The following TMPRSS9 variants were observed in gnomAD, a reference collection of about 807,000 sequenced individuals.
TMPRSS9 encodes transmembrane serine protease 9.
TMPRSS9 carries 113 observed loss-of-function variants against 111.4 expected under a neutral mutation model. The observed-to-expected ratio is 1.01, with a 90% CI of 0.87 to 1.19. The LOEUF (loss-of-function observed/expected upper bound fraction) is 1.19, where lower values mean the gene tolerates loss of function less well. Among genes scored for constraint, TMPRSS9 ranks in the 50% most tolerant of loss-of-function variants. TMPRSS9 has a pLI of 0.00. For missense variants in TMPRSS9, 1,803 were observed against 1,513.1 expected (o/e 1.19, Z -3.18); for synonymous variants, 805 against 659.1 (o/e 1.22, Z -3.39).
chr19:2,403,091 C>G, exon 6 of TMPRSS9: 1 of 1,610,032 alleles, frequency 6.2e-7, no homozygotes. Flanking sequence ...GGCCGCTGTC[C>G]AGGGAACTCC....
intron 1 of TMPRSS9, among the ~76,000 whole-genome samples, chr19:2,379,659 T>TTCTTTCTTTC (rs1555676566): frequency 5.3e-5 from 8 of 149,820 alleles, no homozygotes; most frequent in South Asian, 4.2e-4. Context: ...CTTTCTTTCT[T>TTCTTTCTTTC]TCTTTCTTTC....
At chr19:2,381,884 C>G (rs1374867596) in intron 1 of TMPRSS9, among the ~76,000 whole-genome samples, 6 of 152,130 alleles carry the variant, frequency 3.9e-5, no homozygotes, top group African/African-American at 1.2e-4. Context: ...GCTCTGTCGC[C>G]CAGGCTTGAG....
chr19:2,377,445 T>C (rs1970345629), intron 1 of TMPRSS9, among the ~76,000 whole-genome samples: 1 of 121,914 alleles, frequency 8.2e-6, no homozygotes, highest in Non-Finnish European at 1.7e-5. Context: ...TTCCTTTCTT[T>C]CCTTCTCCCC....
exon 10 of TMPRSS9, chr19:2,413,797 G>A (rs145109209): frequency 3.8e-5 from 61 of 1,613,710 alleles, no homozygotes; most frequent in South Asian, 2.7e-4. Flanking sequence ...GAAGCCCGGC[G>A]TCCAGGGGTC....
rs151191920 is a variant in TMPRSS9 at position 2,421,896 on chromosome 19, G to C, written c.2197G>C (p.Val733Leu). ...CCTGGCCTGCGAGGAGGCCCCTGGC[G>C]TGTTTTATCTGGCAGGGATCGTGAG... Residue 733 changes from valine to leucine, a missense_variant, in exon 14 of 18, where the codon GTG (valine) becomes CTG (leucine). Physicochemically the swap from Val to Leu is conservative, Grantham distance 32 (BLOSUM62 1). Transcript: ENST00000648592. 1.2e-5 allele frequency: 19 copies of C among 1,612,250 alleles called. No individual in the cohort carries two copies. The highest frequency in any genetic ancestry group is 1.6e-5 in the Non-Finnish European group (19 of 1,179,530).
chr19:2,394,625 AC>A (rs1970669667), intron 1 of TMPRSS9, among the ~76,000 whole-genome samples: 1 of 152,108 alleles, frequency 6.6e-6, no homozygotes, highest in South Asian at 2.1e-4. Flanking sequence ...GAGAAAACAT[AC>A]CGTTTTTAGA....
intron 13 of TMPRSS9, 74 bp downstream of exon 14, chr19:2,418,212 T>G: frequency 6.4e-7 from 1 of 1,567,152 alleles, no homozygotes. Flanking sequence ...CAGTTCTTTG[T>G]GTGCAGACCT....
chr19:2,413,636 C>A, intron 9 of TMPRSS9, 64 bp from the exon 11 acceptor site: 1 of 1,528,050 alleles, frequency 6.5e-7, no homozygotes. Context: ...TCTTGGGCCT[C>A]GTAGCACTGG....
At chr19:2,366,844 G>A (rs1305291359) in intron 1 of TMPRSS9, among the ~76,000 whole-genome samples, 3 of 136,960 alleles carry the variant, frequency 2.2e-5, no homozygotes, top group South Asian at 2.4e-4. Context: ...GCGACAGAGC[G>A]AGACTCCATT....
chr19:2,396,517 C>T (rs777827475), intron 1 of TMPRSS9, 22 bp from the exon 3 acceptor site: 9 of 1,577,992 alleles, frequency 5.7e-6, no homozygotes, highest in East Asian at 2.3e-5. Flanking sequence ...GGCTCTCTCA[C>T]GGGCCCTGGT....
Position 2,390,231 on chromosome 19 carries a change from G to GTTTTTT in TMPRSS9, c.142+310_142+315dup, listed in dbSNP as rs1198106187. Among the ~76,000 whole-genome samples, 315 of 110,552 alleles carry GTTTTTT rather than the reference G, an allele frequency of 2.8e-3. 48 individuals carry two copies. The highest frequency in any genetic ancestry group is 9.7e-3 in the African/African-American group (270 of 27,922). 72.5% of individuals were successfully genotyped at this position (110,552 alleles called of 152,430 possible). A position where few individuals can be genotyped will look rare whatever the true frequency, so the allele number is the denominator to read the frequency against. On this transcript the variant is annotated intron_variant, in intron 1 of 17. Transcript: ENST00000648592. ...GCAAATCAGCAAAATACCCAAAGTA[G>GTTTTTT]TTTTTTTTTTTGTTTTTTTTTTTTT...
chr19:2,424,516 C>A (rs1971553518), intron 15 of TMPRSS9, among the ~76,000 whole-genome samples: 1 of 148,324 alleles, frequency 6.7e-6, no homozygotes, highest in Non-Finnish European at 1.5e-5. Context: ...GCGGTCCCCA[C>A]CTAACCCGGA....
At chr19:2,423,126 C>T (rs904541706) in intron 14 of TMPRSS9, among the ~76,000 whole-genome samples, 6 of 151,640 alleles carry the variant, frequency 4.0e-5, no homozygotes, top group Admixed American at 1.3e-4. Context: ...TCCTTGGGTG[C>T]GTGTTTCTTG....
chr19:2,425,158 G>T lies in TMPRSS9; in HGVS notation c.2874G>T (p.Pro958=), dbSNP rs371496004. The T allele has an allele frequency of 3.8e-6, 6 of 1,570,452 alleles. No individual in the cohort carries two copies. In the Middle Eastern group the frequency reaches 6.7e-4, roughly 175 times the overall value. Residue 958 remains proline (P), a synonymous_variant, in exon 16 of 18, where the codon CCG becomes CCT. Transcript: ENST00000648592. Reference sequence around the variant, plus strand: ...TGGCGCTGCTGGAGCTGGCGGGGCCGGTGCGTCGCAGCCGCCTGGTGCGTC... The same window carrying T: ...TGGCGCTGCTGGAGCTGGCGGGGCCTGTGCGTCGCAGCCGCCTGGTGCGTC...
exon 18 of TMPRSS9, chr19:2,426,073 G>C (rs1198751497): frequency 6.2e-7 from 1 of 1,608,010 alleles, no homozygotes; most frequent in Admixed American, 1.7e-5. Flanking sequence ...GGATAGGACA[G>C]CACATCCAGG....
intron 9 of TMPRSS9, among the ~76,000 whole-genome samples, chr19:2,412,736 A>G (rs1023109791): frequency 6.6e-6 from 1 of 152,094 alleles, no homozygotes; most frequent in African/African-American, 2.4e-5. Context: ...TTTTTTTAGC[A>G]TGGCTGTGGA....
upstream of TMPRSS9, among the ~76,000 whole-genome samples, chr19:2,387,506 AAAGG>A (rs750408000): frequency 7.0e-4 from 106 of 150,392 alleles, 2 homozygotes; most frequent in Non-Finnish European, 1.9e-4. Flanking sequence ...AATAGAAAAG[AAAGG>A]AAAGGAAAGG....
intron 7 of TMPRSS9, 58 bp from the exon 9 acceptor site, chr19:2,408,298 T>C: frequency 6.4e-7 from 1 of 1,568,886 alleles, no homozygotes; most frequent in Non-Finnish European, 8.7e-7. Context: ...GTGTCCCGTC[T>C]GCCTCCCCCG....
chr19:2,361,943 G>A (rs1207157372), intron 1 of TMPRSS9, among the ~76,000 whole-genome samples: 1 of 152,156 alleles, frequency 6.6e-6, no homozygotes, highest in Non-Finnish European at 1.5e-5. Context: ...GCCTGGCTGG[G>A]TGGGGCTGTG....
Sources: allele counts gnomAD v4.1 joint callset (sites outside exome capture counted in the v4.1 genomes callset), GRCh38; gene constraint gnomAD v4.1.1; transcripts MANE v1.5; gene names NCBI Gene and HGNC (gene_info 2026-07-23, HGNC 2026-07-21).